SLC26A7: variants seen among roughly 807,000 people sequenced by gnomAD.
SLC26A7 encodes anion exchange transporter.
In SLC26A7, 59 loss-of-function variants were observed where a neutral mutation model predicts 82.5. The ratio of observed to expected loss-of-function variants is 0.72; its 90% confidence interval spans 0.58 to 0.89. The LOEUF is 0.89. Among genes scored for constraint, SLC26A7 ranks in the 40% least tolerant of loss-of-function variants. The probability of loss-of-function intolerance (pLI) is 0.00; values close to 1 mark genes in which losing one functional copy is unlikely to be tolerated. For missense variants in SLC26A7, 820 were observed against 793.0 expected (o/e 1.03, Z -0.41); for synonymous variants, 271 against 274.3 (o/e 0.99, Z 0.12).
intron 2 of SLC26A7, among the ~76,000 whole-genome samples, chr8:91,279,650 C>G (rs988023517): frequency 7.2e-6 from 1 of 138,336 alleles, no homozygotes; most frequent in South Asian, 2.3e-4. Context: ...AGCTCCGCCT[C>G]CCGGGTTCAC....
intron 13 of SLC26A7, among the ~76,000 whole-genome samples, chr8:91,364,312 A>G (rs1207134438): frequency 6.6e-6 from 1 of 152,102 alleles, no homozygotes; most frequent in Admixed American, 6.5e-5. Context: ...TAATTTCCCT[A>G]AGGACAGAGT....
chr8:91,378,281 T>C (rs997567195), intron 15 of SLC26A7, among the ~76,000 whole-genome samples: 11 of 150,612 alleles, frequency 7.3e-5, no homozygotes, highest in African/African-American at 1.9e-4. Context: ...GGTCATATGG[T>C]ATATAATATT....
chr8:91,247,593 G>A (rs1344573230), upstream of SLC26A7, among the ~76,000 whole-genome samples: 1 of 152,024 alleles, frequency 6.6e-6, no homozygotes, highest in Non-Finnish European at 1.5e-5. Context: ...CTAATTTTAA[G>A]AAATTTTTAA....
At chr8:91,331,056 A>G (rs964667923) in intron 5 of SLC26A7, among the ~76,000 whole-genome samples, 5 of 152,152 alleles carry the variant, frequency 3.3e-5, no homozygotes, top group African/African-American at 9.6e-5. Context: ...TTTCTCCTGT[A>G]CAAGGTGCAT....
In SLC26A7 at chr8:91,397,148, G is replaced by T. The variant is rs1808592329; in HGVS notation, c.*2051G>T. ...AAAACTTTAAGTCCAATAACTTGGG[G>T]GTCAAATGCTAATGTTTTATTCAAT... On this transcript the variant is annotated 3_prime_UTR_variant, in exon 19 of 19. Transcript: ENST00000276609. 6.6e-6 allele frequency: 1 copy of T among 151,896 alleles called. No homozygotes were observed. The highest frequency in any genetic ancestry group is 2.4e-5 in the African/African-American group (1 of 41,374). 9.4% of individuals were successfully genotyped at this position (151,896 alleles called of 1,614,324 possible).
At chr8:91,279,939 T>TA (rs911333349) in intron 2 of SLC26A7, among the ~76,000 whole-genome samples, 3 of 152,160 alleles carry the variant, frequency 2.0e-5, no homozygotes, top group African/African-American at 4.8e-5. Context: ...TTTGCCCATT[T>TA]AAAAAAATCA....
intron 9 of SLC26A7, among the ~76,000 whole-genome samples, chr8:91,350,079 CAAGT>C (rs1316612239): frequency 2.0e-5 from 3 of 152,026 alleles, no homozygotes; most frequent in Non-Finnish European, 4.4e-5. Context: ...ATTTAATTCC[CAAGT>C]AAGAATTGTT....
At chr8:91,288,970 G>A (rs922250251) in intron 2 of SLC26A7, among the ~76,000 whole-genome samples, 166 bp from the exon 3 acceptor site, 2 of 152,270 alleles carry the variant, frequency 1.3e-5, no homozygotes, top group African/African-American at 2.4e-5. Flanking sequence ...ATGAACTAAA[G>A]CGTGAATTTT....
intron 2 of SLC26A7, among the ~76,000 whole-genome samples, chr8:91,259,809 T>A (rs1393055722): frequency 1.3e-5 from 2 of 152,108 alleles, no homozygotes; most frequent in Non-Finnish European, 2.9e-5. Context: ...TATTACAGTC[T>A]CTTGTGGCAC....
chr8:91,297,222 T>C (rs1812041037), intron 4 of SLC26A7, among the ~76,000 whole-genome samples: 1 of 152,124 alleles, frequency 6.6e-6, no homozygotes, highest in Admixed American at 6.6e-5. Flanking sequence ...TTTAGGTATA[T>C]ATTAGTATAG....
At chr8:91,243,112 A>G (rs1392520904) in intron 2 of SLC26A7, among the ~76,000 whole-genome samples, 1 of 152,162 alleles carries the variant, frequency 6.6e-6, no homozygotes, top group African/African-American at 2.4e-5. Context: ...GCAGCTAAAA[A>G]TTGTGTTAAA....
intron 1 of SLC26A7, among the ~76,000 whole-genome samples, chr8:91,213,567 C>T (rs182474398): frequency 2.0e-5 from 3 of 152,166 alleles, no homozygotes; most frequent in African/African-American, 7.2e-5. Context: ...CTAGTCTGTT[C>T]CAAATGGTTT....
At chr8:91,224,000 T>A (rs1001197339) in intron 2 of SLC26A7, among the ~76,000 whole-genome samples, 2 of 151,938 alleles carry the variant, frequency 1.3e-5, no homozygotes, top group Non-Finnish European at 2.9e-5. Flanking sequence ...TTTAAGAAGT[T>A]CTTGTGCTGT....
chr8:91,289,831 C>T (rs34747472), intron 3 of SLC26A7, among the ~76,000 whole-genome samples: 3 of 152,128 alleles, frequency 2.0e-5, no homozygotes, highest in Non-Finnish European at 2.9e-5. Flanking sequence ...ATACAATGCT[C>T]TTTACTTGGT....
chr8:91,257,140 T>G (rs1810826650), intron 2 of SLC26A7, among the ~76,000 whole-genome samples: 1 of 152,110 alleles, frequency 6.6e-6, no homozygotes, highest in Non-Finnish European at 1.5e-5. Context: ...TACAATGAGC[T>G]ATTGCTCTTT....
intron 4 of SLC26A7, among the ~76,000 whole-genome samples, chr8:91,307,856 C>T (rs1232563759): frequency 1.3e-5 from 2 of 149,546 alleles, no homozygotes; most frequent in African/African-American, 5.0e-5. Flanking sequence ...AAATAAAATG[C>T]TAGACCAATT....
chr8:91,359,314 A>T (rs529115794), intron 11 of SLC26A7, among the ~76,000 whole-genome samples: 2 of 152,342 alleles, frequency 1.3e-5, no homozygotes, highest in South Asian at 4.1e-4. Context: ...GAGAAAGTAA[A>T]ATATAATTCC....
chr8:91,379,729 C>A (rs759074037), intron 15 of SLC26A7, among the ~76,000 whole-genome samples: 6 of 151,784 alleles, frequency 4.0e-5, no homozygotes, highest in Non-Finnish European at 8.8e-5. Context: ...TCTTAAAAGA[C>A]CTTGGAATAA....
intron 2 of SLC26A7, among the ~76,000 whole-genome samples, chr8:91,258,840 A>T (rs954258128): frequency 1.3e-5 from 2 of 152,110 alleles, no homozygotes; most frequent in African/African-American, 4.8e-5. Context: ...GATGTCTCTC[A>T]CATACAGTTT....
Sources: gnomAD v4.1 joint callset for allele counts (sites outside exome capture counted in the v4.1 genomes callset) on GRCh38, gnomAD v4.1.1 for gene constraint, MANE v1.5 for transcripts, NCBI Gene and HGNC (gene_info 2026-07-23, HGNC 2026-07-21) for gene names.